The following LARP7 variants were observed in gnomAD, a reference collection of about 807,000 sequenced individuals.
The protein encoded by LARP7 is la-related protein 7.
In LARP7, 52 loss-of-function variants were observed where a neutral mutation model predicts 69.3. The ratio of observed to expected loss-of-function variants is 0.75; its 90% CI spans 0.60 to 0.95. The LOEUF is 0.95. LARP7 is among the 40% of genes least tolerant of loss of function. LARP7 has a pLI of 0.00. For synonymous variants in LARP7, 254 were observed against 215.9 expected, an observed-to-expected ratio of 1.18 and a Z score of -1.55; for missense variants, 733 against 673.0, an observed-to-expected ratio of 1.09 and a Z score of -0.99.
chr4:112,648,408 G>T, intron 8 of LARP7: 1 of 534,512 alleles, frequency 1.9e-6, no homozygotes, highest in Non-Finnish European at 3.8e-6. Flanking sequence ...CACACAGCAG[G>T]TACCCCCATG....
At chr4:112,653,283 T>C in intron 11 of LARP7, 47 bp downstream of exon 11, 1 of 1,451,834 alleles carries the variant, frequency 6.9e-7, no homozygotes, top group Non-Finnish European at 9.2e-7. Context: ...TCATCCTTAT[T>C]GTGAGTAATA....
chr4:112,646,114 A>T (rs2048210425), intron 2 of LARP7, among the ~76,000 whole-genome samples: 2 of 151,870 alleles, frequency 1.3e-5, no homozygotes, highest in African/African-American at 4.8e-5. Context: ...AGTAGCTGGG[A>T]TTACAGGCGT....
chr4:112,656,938 A>G (rs1342064772), intron 12 of LARP7, among the ~76,000 whole-genome samples: 1 of 152,152 alleles, frequency 6.6e-6, no homozygotes, highest in African/African-American at 2.4e-5. Context: ...AATATTTTAG[A>G]CATTTTAAAC....
At chr4:112,644,919 T>G (rs1440692578) in intron 2 of LARP7, 48 bp downstream of exon 2, 1 of 852,140 alleles carries the variant, frequency 1.2e-6, no homozygotes, top group Non-Finnish European at 1.7e-6. Flanking sequence ...TGGTTGCCTT[T>G]AAATTTACTT....
At chr4:112,645,568 C>G (rs1482905905) in intron 2 of LARP7, 5 of 456,184 alleles carry the variant, frequency 1.1e-5, no homozygotes, top group South Asian at 6.2e-5. Flanking sequence ...TGCACTGGCT[C>G]CATGTCTGCT....
chr4:112,654,196 T>A, intron 12 of LARP7, 37 bp downstream of exon 12: 1 of 1,438,036 alleles, frequency 7.0e-7, no homozygotes, highest in Non-Finnish European at 9.8e-7. Context: ...GACTAAACTT[T>A]CCTTGAACGT....
intron 1 of LARP7, among the ~76,000 whole-genome samples, chr4:112,641,391 G>GAA (rs370133374): frequency 2.0e-4 from 28 of 141,750 alleles, no homozygotes; most frequent in African/African-American, 6.0e-4. Context: ...CCGTCTCAGG[G>GAA]AAAAAAAAAA....
chr4:112,639,319 C>G (rs1200421071), intron 1 of LARP7, among the ~76,000 whole-genome samples: 1 of 151,496 alleles, frequency 6.6e-6, no homozygotes. Flanking sequence ...ACACCTTTCT[C>G]CTGCCTCAGC....
At chr4:112,657,200 GTTT>G (rs763489670) in intron 12 of LARP7, 44 bp from the exon 13 acceptor site, 76 of 890,174 alleles carry the variant, frequency 8.5e-5, no homozygotes, top group East Asian at 1.6e-4. Flanking sequence ...GTGTGTGTGT[GTTT>G]TGAGTATCCA....
At chr4:112,653,975 C>T in intron 11 of LARP7, 93 bp from the exon 12 acceptor site, 3 of 851,564 alleles carry the variant, frequency 3.5e-6, no homozygotes, top group Non-Finnish European at 5.9e-6. Context: ...CAAAAACTGT[C>T]CTAGTTACTA....
chr4:112,646,294 C>A, intron 2 of LARP7, 57 bp from the exon 3 acceptor site: 2 of 885,940 alleles, frequency 2.3e-6, no homozygotes, highest in South Asian at 1.6e-5. Flanking sequence ...TTAAATTGTA[C>A]CAAATTGAAT....
chr4:112,655,159 A>G (rs1268847335), intron 12 of LARP7, among the ~76,000 whole-genome samples: 1 of 152,214 alleles, frequency 6.6e-6, no homozygotes. Flanking sequence ...TGTGCTTCCC[A>G]AGGATTCTTT....
At chr4:112,648,984 T>A (rs1201869706) in intron 8 of LARP7, among the ~76,000 whole-genome samples, 2 of 151,544 alleles carry the variant, frequency 1.3e-5, no homozygotes, top group Non-Finnish European at 2.9e-5. Context: ...TGGCATAGAT[T>A]AGGGTAACAA....
At chr4:112,653,039 T>C in intron 10 of LARP7, 38 bp from the exon 11 acceptor site, 1 of 1,507,910 alleles carries the variant, frequency 6.6e-7, no homozygotes, top group Non-Finnish European at 8.9e-7. Context: ...GTGAAACTTT[T>C]TAAATTTTAT....
At position 112,647,456 on chromosome 4, in the gene LARP7, G is replaced by A; in HGVS notation, c.904G>A (p.Asp302Asn). The A allele has an allele frequency of 6.2e-7, 1 of 1,614,074 alleles. No homozygotes were observed. The change falls in exon 7 of 13, where the codon GAT becomes AAT. Residue 302 changes from aspartate to asparagine, a missense_variant. Asp to Asn is a conservative substitution (Grantham distance 23). Coordinates refer to ENST00000344442, the MANE Select transcript of LARP7 (RefSeq NM_016648.4). ...GAAGAGGAAGAGAAGCAGCTCTGAA[G>A]ATGCAGAATCCCTAGCTCCCCGATC... ...TGKRKRSSSE[D>N]AESLAPRSKV... is the part of the protein sequence containing the mutation.
rs1307040803 is a variant in LARP7 at position 112,646,332 on chromosome 4, ACT to A, written c.203-18_203-17del. On this transcript the variant is annotated splice_polypyrimidine_tract_variant and intron_variant, in intron 2 of 12. Transcript: ENST00000344442. ...ATCCTGCTGATACACTAACATATTA[ACT>A]TTTTCATTTTCTTTAGATGTTGATA... The A allele has an allele frequency of 4.1e-6, 5 of 1,225,330 alleles. No homozygotes were observed. Among genetic ancestry groups the A allele is most frequent in the Non-Finnish European group, 6.0e-6 (5 of 839,636 alleles). 75.9% of individuals were successfully genotyped at this position (1,225,330 alleles called of 1,614,324 possible).
At chr4:112,639,234 G>C (rs2047855006) in intron 1 of LARP7, among the ~76,000 whole-genome samples, 1 of 147,738 alleles carries the variant, frequency 6.8e-6, no homozygotes, top group African/African-American at 2.5e-5. Context: ...TTTTGAGACG[G>C]AGTCTTGCCC....
intron 1 of LARP7, among the ~76,000 whole-genome samples, chr4:112,641,345 G>A (rs1329774246): frequency 1.3e-5 from 2 of 151,734 alleles, no homozygotes; most frequent in Non-Finnish European, 1.5e-5. Flanking sequence ...CCGAGATCGC[G>A]CCACTGCACT....
In LARP7 at chr4:112,645,776, T is replaced by G. The variant is rs1201991681; in HGVS notation, c.203-575T>G. 37 of 355,410 alleles carry G rather than the reference T, an allele frequency of 1.0e-4. No homozygotes were observed. The East Asian group carries it at 2.6e-3, about 25-fold the overall frequency. The allele number at this position is 355,410 out of a possible 1,614,324, so 22.0% of individuals were successfully genotyped here. On this transcript the variant is annotated intron_variant, in intron 2 of 12. Coordinates refer to ENST00000344442, the MANE Select transcript of LARP7 (RefSeq NM_016648.4). Reference sequence around the variant, plus strand: ...AGCTCAAGAGATTTACCTTCACCCCTGAATTGCTGAGATAAGAAGCATTGA... The same window carrying G: ...AGCTCAAGAGATTTACCTTCACCCCGGAATTGCTGAGATAAGAAGCATTGA...
Sources: gnomAD v4.1 joint callset for allele counts (sites outside exome capture counted in the v4.1 genomes callset) on GRCh38, gnomAD v4.1.1 for gene constraint, MANE v1.5 for transcripts, NCBI Gene and HGNC (gene_info 2026-07-23, HGNC 2026-07-21) for gene names.